The following MCTP1 variants were observed in gnomAD, a reference collection of about 807,000 sequenced individuals.
The protein encoded by MCTP1 is multiple C2 and transmembrane domain-containing protein 1.
MCTP1 carries 69 observed loss-of-function variants against 120.6 expected under a neutral mutation model. The ratio of observed to expected loss-of-function variants is 0.57; its 90% confidence interval spans 0.47 to 0.70. MCTP1 has a LOEUF of 0.70. Among genes scored for constraint, MCTP1 ranks in the 30% least tolerant of loss-of-function variants. The probability of loss-of-function intolerance (pLI) is 0.00; values close to 1 mark genes in which losing one functional copy is unlikely to be tolerated. For synonymous variants in MCTP1, 529 were observed against 493.1 expected (o/e 1.07, Z -0.96); for missense variants, 1,203 against 1,248.8 (o/e 0.96, Z 0.55).
chr5:95,149,308 C>G (rs76983244), intron 1 of MCTP1, among the ~76,000 whole-genome samples: 18 of 152,322 alleles, frequency 1.2e-4, no homozygotes, highest in African/African-American at 4.1e-4. Context: ...GGGTGTCTCA[C>G]CCCCTCAGTA....
Position 95,079,196 on chromosome 5 carries a change from A to G in MCTP1, c.721-61712T>C, listed in dbSNP as rs570526455. On this transcript the variant is annotated intron_variant, in intron 1 of 22. Coordinates refer to ENST00000515393, the MANE Select transcript of MCTP1 (RefSeq NM_024717.7). ...ATAAGCATTACAAATCTCAGCACTTATAACAACAGACTCTCCTGGTGAGTT... is the reference window on the plus strand; with the variant it reads ...ATAAGCATTACAAATCTCAGCACTTGTAACAACAGACTCTCCTGGTGAGTT... Among the ~76,000 whole-genome samples the G allele has an allele frequency of 1.1e-4, 17 of 152,286 alleles. No individual in the cohort carries two copies. The South Asian group carries it at 2.1e-3, about 19-fold the overall frequency.
At chr5:94,932,438 T>C (rs1815003105) in intron 5 of MCTP1, among the ~76,000 whole-genome samples, 1 of 152,034 alleles carries the variant, frequency 6.6e-6, no homozygotes, top group South Asian at 2.1e-4. Context: ...AATCTTTAAC[T>C]ACATCAGGGC....
intron 4 of MCTP1, among the ~76,000 whole-genome samples, chr5:94,941,453 T>C (rs556138618): frequency 6.6e-6 from 1 of 151,886 alleles, no homozygotes; most frequent in South Asian, 2.1e-4. Context: ...AAGTTGATTG[T>C]AATGCATAAG....
intron 1 of MCTP1, among the ~76,000 whole-genome samples, chr5:95,230,247 T>TAC (rs893563928): frequency 1.7e-4 from 24 of 138,314 alleles, no homozygotes; most frequent in Admixed American, 1.5e-3. Context: ...TGTATATATA[T>TAC]ACACACACGC....
At chr5:94,773,508 T>C (rs1414116559) in intron 19 of MCTP1, among the ~76,000 whole-genome samples, 5 of 152,180 alleles carry the variant, frequency 3.3e-5, no homozygotes, top group Non-Finnish European at 1.5e-5. Flanking sequence ...TATATCATGA[T>C]AGTCTCCCTC....
intron 18 of MCTP1, among the ~76,000 whole-genome samples, chr5:94,786,120 A>G (rs1405112040): frequency 1.3e-5 from 2 of 152,294 alleles, no homozygotes; most frequent in African/African-American, 4.8e-5. Flanking sequence ...CTTTTGGACC[A>G]TATTGATCTG....
intron 1 of MCTP1, among the ~76,000 whole-genome samples, chr5:95,037,368 A>G (rs1218398854): frequency 6.6e-6 from 1 of 152,216 alleles, no homozygotes; most frequent in Non-Finnish European, 1.5e-5. Context: ...TAGGATGCAA[A>G]ACTGCATACA....
chr5:95,052,972 C>T (rs1256345695), intron 1 of MCTP1, among the ~76,000 whole-genome samples: 1 of 152,132 alleles, frequency 6.6e-6, no homozygotes, highest in Non-Finnish European at 1.5e-5. Context: ...GCACTTTATA[C>T]CCCTTTACCT....
intron 1 of MCTP1, among the ~76,000 whole-genome samples, chr5:95,243,497 A>G (rs1756400192): frequency 6.6e-6 from 1 of 152,216 alleles, no homozygotes; most frequent in Admixed American, 6.5e-5. Context: ...GAAATAAGAT[A>G]GGTAGGAGCC....
At chr5:94,755,989 T>C (rs1341964566) in intron 19 of MCTP1, among the ~76,000 whole-genome samples, 1 of 152,206 alleles carries the variant, frequency 6.6e-6, no homozygotes, top group Non-Finnish European at 1.5e-5. Context: ...TACTCAGACC[T>C]TCTGTTCCAT....
intron 1 of MCTP1, among the ~76,000 whole-genome samples, chr5:95,138,471 G>C (rs570838970): frequency 1.9e-4 from 29 of 152,178 alleles, no homozygotes; most frequent in South Asian, 4.1e-4. Context: ...TAAATTAGTC[G>C]CATACACAAA....
chr5:95,172,178 A>G (rs1304568728), intron 1 of MCTP1, among the ~76,000 whole-genome samples: 4 of 152,222 alleles, frequency 2.6e-5, no homozygotes, highest in African/African-American at 4.8e-5. Flanking sequence ...GGTCCACTCC[A>G]GACCGTTTGC....
chr5:95,219,545 G>A (rs900878404), intron 1 of MCTP1, among the ~76,000 whole-genome samples: 2 of 152,076 alleles, frequency 1.3e-5, no homozygotes, highest in Non-Finnish European at 1.5e-5. Flanking sequence ...CATTCTAATC[G>A]CCCTGGACTC....
intron 1 of MCTP1, among the ~76,000 whole-genome samples, chr5:95,063,904 C>A (rs572648175): frequency 3.9e-5 from 6 of 152,154 alleles, no homozygotes; most frequent in Non-Finnish European, 8.8e-5. Flanking sequence ...CCAATTATAA[C>A]AAGTCAAATA....
chr5:94,785,357 C>G (rs1777449071), intron 18 of MCTP1, among the ~76,000 whole-genome samples: 1 of 152,036 alleles, frequency 6.6e-6, no homozygotes. Context: ...CAGGAAAATT[C>G]TAATCTTGGT....
At chr5:94,983,438 A>C (rs1829845993) in intron 2 of MCTP1, among the ~76,000 whole-genome samples, 1 of 152,202 alleles carries the variant, frequency 6.6e-6, no homozygotes, top group South Asian at 2.1e-4. Flanking sequence ...AGGTGTAACT[A>C]AGTTTTCTTT....
intron 1 of MCTP1, among the ~76,000 whole-genome samples, chr5:95,218,681 T>C (rs957934343): frequency 2.0e-5 from 3 of 152,208 alleles, no homozygotes; most frequent in Admixed American, 6.5e-5. Flanking sequence ...AAGGATACAT[T>C]CTGAGAAATG....
chr5:94,836,421 G>A (rs1789805178), intron 17 of MCTP1, among the ~76,000 whole-genome samples: 1 of 152,136 alleles, frequency 6.6e-6, no homozygotes, highest in African/African-American at 2.4e-5. Context: ...GCGACAGAAT[G>A]AATAGTAAAG....
chr5:95,183,796 T>G (rs1300242123), intron 1 of MCTP1, among the ~76,000 whole-genome samples: 1 of 152,202 alleles, frequency 6.6e-6, no homozygotes, highest in Non-Finnish European at 1.5e-5. Flanking sequence ...ACTTCAGATC[T>G]ATTGGAATGG....
Sources: gnomAD v4.1 joint callset for allele counts (sites outside exome capture counted in the v4.1 genomes callset) on GRCh38, gnomAD v4.1.1 for gene constraint, MANE v1.5 for transcripts, NCBI Gene and HGNC (gene_info 2026-07-23, HGNC 2026-07-21) for gene names.